The following NKAIN2 variants were observed in gnomAD, a reference collection of about 807,000 sequenced individuals.
The protein encoded by NKAIN2 is sodium/potassium transporting ATPase interacting 2.
NKAIN2 carries 14 observed loss-of-function variants against 32.6 expected under a neutral mutation model. That is an observed-to-expected ratio of 0.43 (90% confidence interval 0.28 to 0.67). NKAIN2 has a LOEUF of 0.67. NKAIN2 is among the 30% of genes least tolerant of loss of function. The pLI is 0.17. For synonymous variants in NKAIN2, 80 were observed against 87.2 expected (o/e 0.92, Z 0.46); for missense variants, 198 against 258.3 (o/e 0.77, Z 1.60).
chr6:123,938,806 T>C (rs1318228406), intron 1 of NKAIN2, among the ~76,000 whole-genome samples: 2 of 151,384 alleles, frequency 1.3e-5, no homozygotes, highest in Non-Finnish European at 2.9e-5. Context: ...TATTAGGAAT[T>C]AAGCAGTATA....
chr6:123,843,855 A>G (rs1459255091), intron 1 of NKAIN2, among the ~76,000 whole-genome samples: 1 of 152,112 alleles, frequency 6.6e-6, no homozygotes, highest in African/African-American at 2.4e-5. Context: ...CTCAGGTAAT[A>G]AAAGTTTTCT....
intron 3 of NKAIN2, among the ~76,000 whole-genome samples, chr6:124,457,624 G>C (rs537376999): frequency 6.6e-6 from 1 of 152,000 alleles, no homozygotes; most frequent in Admixed American, 6.6e-5. Flanking sequence ...ATGTTCTGAG[G>C]CTAAGCCATG....
intron 4 of NKAIN2, among the ~76,000 whole-genome samples, chr6:124,778,196 T>A (rs549265840): frequency 6.6e-6 from 1 of 152,270 alleles, no homozygotes; most frequent in East Asian, 1.9e-4. Flanking sequence ...CATGCCTTTG[T>A]ATCTTTTCAA....
intron 3 of NKAIN2, among the ~76,000 whole-genome samples, chr6:124,479,449 T>G (rs1777359674): frequency 6.6e-6 from 1 of 152,156 alleles, no homozygotes; most frequent in Non-Finnish European, 1.5e-5. Flanking sequence ...AATCTCTGGA[T>G]GGAATGAATC....
At chr6:124,473,458 T>G (rs1329752737) in intron 3 of NKAIN2, among the ~76,000 whole-genome samples, 2 of 152,192 alleles carry the variant, frequency 1.3e-5, no homozygotes, top group African/African-American at 4.8e-5. Context: ...CAAGAACATT[T>G]ATGGCTTTGT....
intron 1 of NKAIN2, among the ~76,000 whole-genome samples, chr6:124,024,860 G>T (rs926429682): frequency 1.3e-5 from 2 of 151,988 alleles, no homozygotes; most frequent in African/African-American, 4.8e-5. Context: ...GGTGGCACAT[G>T]CCTGTAATCT....
intron 1 of NKAIN2, among the ~76,000 whole-genome samples, chr6:124,090,485 A>G (rs1429293370): frequency 6.6e-6 from 1 of 152,014 alleles, no homozygotes; most frequent in Non-Finnish European, 1.5e-5. Context: ...GCTTTACCAT[A>G]TTCTGGGTAG....
intron 1 of NKAIN2, among the ~76,000 whole-genome samples, chr6:124,019,739 T>G (rs189031020): frequency 1.8e-4 from 28 of 152,276 alleles, no homozygotes; most frequent in African/African-American, 6.5e-4. Context: ...CTTATTTGTT[T>G]TTTTCATCAG....
chr6:124,683,832 T>C (rs2114512132), intron 4 of NKAIN2, among the ~76,000 whole-genome samples: 1 of 152,310 alleles, frequency 6.6e-6, no homozygotes, highest in Non-Finnish European at 1.5e-5. Flanking sequence ...GACTTGGCAG[T>C]AATGGCGAGC....
intron 1 of NKAIN2, among the ~76,000 whole-genome samples, chr6:124,205,975 C>CA (rs1327882086): frequency 5.9e-5 from 9 of 151,830 alleles, no homozygotes; most frequent in African/African-American, 2.2e-4. Flanking sequence ...TGAGCAAGAG[C>CA]AAAATATTCA....
chr6:124,440,854 T>C (rs1224397901), intron 3 of NKAIN2, among the ~76,000 whole-genome samples: 1 of 152,098 alleles, frequency 6.6e-6, no homozygotes, highest in Non-Finnish European at 1.5e-5. Context: ...CCTAGAATTA[T>C]GGAGACAGGA....
chr6:124,114,780 C>G (rs1427066368), intron 1 of NKAIN2, among the ~76,000 whole-genome samples: 1 of 151,964 alleles, frequency 6.6e-6, no homozygotes, highest in Non-Finnish European at 1.5e-5. Context: ...CTGATATTGC[C>G]CAAAGGGAGG....
rs368723942 is a variant in NKAIN2 at position 123,927,516 on chromosome 6, TG to T, written c.54+123264del. On this transcript the variant is annotated intron_variant, in intron 1 of 6. Coordinates refer to ENST00000368417, the MANE Select transcript of NKAIN2 (RefSeq NM_001040214.3). ...GGAATTAAAACTATAAGCTGGTCCC[TG>T]GATTGCTGGAATATGTCCGATGCCT... 1.7e-3 allele frequency among the ~76,000 whole-genome samples: 259 copies of T among 152,346 alleles called. 3 individuals carry two copies. The highest frequency in any genetic ancestry group is 5.9e-3 in the African/African-American group (246 of 41,586).
In NKAIN2 at chr6:124,759,639, ACACACACACACACACAC is replaced by A. The variant is rs1373427995; in HGVS notation, c.475-31698_475-31682del. The stretch of plus-strand genomic sequence containing the variant: ...CACACACACACACACACACACACAC[ACACACACACACACACAC>A]CCCCTATCTCCCTTTCCTGCCTTAT... On this transcript the variant is annotated intron_variant, in intron 4 of 6. Coordinates refer to ENST00000368417, the MANE Select transcript of NKAIN2 (RefSeq NM_001040214.3). Among the ~76,000 whole-genome samples, 244 of 97,922 alleles carry A rather than the reference ACACACACACACACACAC, an allele frequency of 2.5e-3. 3 individuals carry two copies. Among genetic ancestry groups the A allele is most frequent in the Non-Finnish European group, 4.6e-3 (198 of 42,986 alleles). The allele number at this position is 97,922 out of a possible 152,430, so 64.2% of individuals were successfully genotyped here.
intron 3 of NKAIN2, among the ~76,000 whole-genome samples, chr6:124,567,921 G>A (rs1780981262): frequency 6.6e-6 from 1 of 152,108 alleles, no homozygotes; most frequent in Admixed American, 6.6e-5. Context: ...AGCGTGTGTT[G>A]ACTGGGTCCC....
chr6:124,243,101 T>C (rs1417465059), intron 1 of NKAIN2, among the ~76,000 whole-genome samples: 3 of 150,420 alleles, frequency 2.0e-5, no homozygotes, highest in African/African-American at 7.3e-5. Flanking sequence ...CACAGATTTG[T>C]CATAAGAGAT....
intron 1 of NKAIN2, among the ~76,000 whole-genome samples, chr6:124,027,970 A>G (rs1781191447): frequency 6.6e-6 from 1 of 152,176 alleles, no homozygotes; most frequent in African/African-American, 2.4e-5. Context: ...CATAAAATAA[A>G]TAGCCTTCCA....
chr6:124,094,989 T>A (rs1784592397), intron 1 of NKAIN2, among the ~76,000 whole-genome samples: 1 of 152,204 alleles, frequency 6.6e-6, no homozygotes, highest in South Asian at 2.1e-4. Flanking sequence ...TTAACTTTTT[T>A]AAATGTTATT....
intron 1 of NKAIN2, among the ~76,000 whole-genome samples, chr6:124,093,110 G>A (rs1784501696): frequency 6.6e-6 from 1 of 152,052 alleles, no homozygotes; most frequent in Admixed American, 6.6e-5. Flanking sequence ...CATTTTTGAA[G>A]CTTACTTAAA....
Sources: allele counts gnomAD v4.1 joint callset (sites outside exome capture counted in the v4.1 genomes callset), GRCh38; gene constraint gnomAD v4.1.1; transcripts MANE v1.5; gene names NCBI Gene and HGNC (gene_info 2026-07-23, HGNC 2026-07-21).